The following XXYLT1 variants were observed in gnomAD, a reference collection of about 807,000 sequenced individuals.
XXYLT1 encodes UDP-xylose:alpha-xyloside alpha-1,3-xylosyltransferase.
XXYLT1 carries 20 observed loss-of-function variants against 28.9 expected under a neutral mutation model. That is an observed-to-expected ratio of 0.69 (90% CI 0.49 to 1.00). XXYLT1 has a LOEUF of 1.00. Ranked by LOEUF, XXYLT1 falls within the 50% of genes least tolerant of loss-of-function variation. The pLI, the probability that XXYLT1 is intolerant of heterozygous loss-of-function variation, is 0.00. For missense variants in XXYLT1, 542 were observed against 560.1 expected (o/e 0.97, Z 0.33); for synonymous variants, 257 against 253.8 (o/e 1.01, Z -0.12).
At chr3:195,099,422 G>T (rs968859626) in intron 3 of XXYLT1, among the ~76,000 whole-genome samples, 1 of 152,078 alleles carries the variant, frequency 6.6e-6, no homozygotes, top group Non-Finnish European at 1.5e-5. Flanking sequence ...TGTGCTGTCA[G>T]CCTGGACGCA....
At chr3:195,104,928 C>G (rs1717004246) in intron 3 of XXYLT1, among the ~76,000 whole-genome samples, 1 of 152,204 alleles carries the variant, frequency 6.6e-6, no homozygotes, top group African/African-American at 2.4e-5. Flanking sequence ...TAGCTACAAG[C>G]CAGAATCACT....
At chr3:195,184,858 A>T (rs1171622842) in intron 2 of XXYLT1, 1 of 974,182 alleles carries the variant, frequency 1.0e-6, no homozygotes, top group Admixed American at 6.2e-5. Flanking sequence ...TTTACCAATA[A>T]AATGGTCTAC....
In XXYLT1 at chr3:195,150,439, C is replaced by T. The variant is rs1454379386; in HGVS notation, c.785+6010G>A. 6.6e-6 allele frequency among the ~76,000 whole-genome samples: 1 copy of T among 152,248 alleles called. No homozygotes were observed. The highest frequency in any genetic ancestry group is 1.5e-5 in the Non-Finnish European group (1 of 68,050). ...TGGGATGACGCAGCCTGCAGAGAAG[C>T]TTTCCTTCCGAGCGTCTGGAAGAAC... On this transcript the variant is annotated intron_variant, in intron 3 of 3. Coordinates refer to ENST00000310380, the MANE Select transcript of XXYLT1 (RefSeq NM_152531.5). The surrounding 1 kb of genome is among the most constrained non-coding windows in gnomAD (Gnocchi z 4.7).
At chr3:195,244,118 G>A (rs934074135) in intron 1 of XXYLT1, among the ~76,000 whole-genome samples, 6 of 152,296 alleles carry the variant, frequency 3.9e-5, no homozygotes, top group Admixed American at 2.6e-4. Context: ...TGCAATGAAC[G>A]TTCTAGGACT....
At position 195,124,759 on chromosome 3, in the gene XXYLT1, ACAGT is replaced by A. The variant is rs2108619478; in HGVS notation, c.785+31686_785+31689del. ...CAAGACTGCCCTCGCTGGCCGGGAC[ACAGT>A]CAGCCAGGTTCCAGGGACCACAACT... On this transcript the variant is annotated intron_variant, in intron 3 of 3. Coordinates refer to ENST00000310380, the MANE Select transcript of XXYLT1 (RefSeq NM_152531.5). The surrounding 1 kb of genome is among the most constrained non-coding windows in gnomAD (Gnocchi z 4.1). Among the ~76,000 whole-genome samples the A allele has an allele frequency of 6.6e-6, 1 of 152,310 alleles. No individual in the cohort carries two copies. Among genetic ancestry groups the A allele is most frequent in the South Asian group, 2.1e-4 (1 of 4,824 alleles).
chr3:195,269,157 G>C (rs1265749202), intron 1 of XXYLT1, among the ~76,000 whole-genome samples: 1 of 152,236 alleles, frequency 6.6e-6, no homozygotes, highest in Non-Finnish European at 1.5e-5. Flanking sequence ...CAACGGTGCA[G>C]AGTAGGCCCA....
chr3:195,110,300 TGGTATATGTGTGTGTGG>T (rs1353949472), intron 3 of XXYLT1, among the ~76,000 whole-genome samples: 1 of 14,478 alleles, frequency 6.9e-5, no homozygotes, highest in Non-Finnish European at 1.5e-4. Flanking sequence ...TGTGCGTGTG[TGGTATATGTGTGTGTGG>T]GTGAGGGTGA....
chr3:195,158,135 A>C (rs1421373359), intron 2 of XXYLT1, among the ~76,000 whole-genome samples: 1 of 152,234 alleles, frequency 6.6e-6, no homozygotes, highest in Non-Finnish European at 1.5e-5. Context: ...GTCAATCATC[A>C]CATCGAAAGC....
intron 2 of XXYLT1, among the ~76,000 whole-genome samples, chr3:195,225,949 C>G (rs961158757): frequency 1.3e-5 from 2 of 152,192 alleles, no homozygotes; most frequent in African/African-American, 4.8e-5. Context: ...GCTGAACTGT[C>G]TATTAAACCT....
At chr3:195,201,201 T>C (rs779578354) in intron 2 of XXYLT1, among the ~76,000 whole-genome samples, 7 of 152,116 alleles carry the variant, frequency 4.6e-5, no homozygotes, top group African/African-American at 7.2e-5. Flanking sequence ...TCACTGGACT[T>C]CGAGTTCCTC....
intron 2 of XXYLT1, among the ~76,000 whole-genome samples, chr3:195,200,571 G>A (rs1722809706): frequency 6.6e-6 from 1 of 152,190 alleles, no homozygotes; most frequent in African/African-American, 2.4e-5. Context: ...TCCCAGGCAA[G>A]GGCTTTGGCG....
At chr3:195,237,899 T>A (rs553791500) in intron 1 of XXYLT1, among the ~76,000 whole-genome samples, 7 of 152,106 alleles carry the variant, frequency 4.6e-5, no homozygotes, top group Non-Finnish European at 1.0e-4. Flanking sequence ...AAATTATGTT[T>A]CTCATTCCCA....
chr3:195,178,870 G>A (rs1463238435), intron 2 of XXYLT1, among the ~76,000 whole-genome samples: 1 of 152,208 alleles, frequency 6.6e-6, no homozygotes, highest in East Asian at 1.9e-4. Context: ...CATTGAGATC[G>A]AGAGCTGAAG....
rs149994372 is a variant in XXYLT1 at position 195,164,108 on chromosome 3, A to G, written c.653-7527T>C. Among the ~76,000 whole-genome samples, 104 of 152,384 alleles carry G rather than the reference A, an allele frequency of 6.8e-4. 1 individual carries two copies. Among genetic ancestry groups the G allele is most frequent in the African/African-American group, 2.5e-3 (102 of 41,592 alleles). ...GGATGCAGTTGTAAATAAGAAAGGAAAGAACTGATATAGAGCAGGAACTAG... is the reference window on the plus strand; with the variant it reads ...GGATGCAGTTGTAAATAAGAAAGGAGAGAACTGATATAGAGCAGGAACTAG... On this transcript the variant is annotated intron_variant, in intron 2 of 3. Coordinates refer to ENST00000310380, the MANE Select transcript of XXYLT1 (RefSeq NM_152531.5).
chr3:195,166,019 G>C, intron 2 of XXYLT1, among the ~76,000 whole-genome samples: 1 of 151,976 alleles, frequency 6.6e-6, no homozygotes, highest in Non-Finnish European at 1.5e-5. Flanking sequence ...CCTGTTATGA[G>C]TCTGATAAGA....
At chr3:195,118,086 G>C (rs1257295011) in intron 3 of XXYLT1, among the ~76,000 whole-genome samples, 1 of 152,198 alleles carries the variant, frequency 6.6e-6, no homozygotes, top group East Asian at 1.9e-4. Flanking sequence ...TATGAAGACA[G>C]AGATAATGCC....
At chr3:195,107,201 C>T (rs1217451950) in intron 3 of XXYLT1, among the ~76,000 whole-genome samples, 1 of 151,940 alleles carries the variant, frequency 6.6e-6, no homozygotes, top group African/African-American at 2.4e-5. Context: ...TGGCCGGGTG[C>T]GGTGGCTCAC....
chr3:195,178,821 C>G (rs1721800927), intron 2 of XXYLT1, among the ~76,000 whole-genome samples: 1 of 152,214 alleles, frequency 6.6e-6, no homozygotes, highest in African/African-American at 2.4e-5. Context: ...TGATGGAAGG[C>G]TCTCTCTGAA....
chr3:195,186,196 C>T (rs6810043), intron 2 of XXYLT1, among the ~76,000 whole-genome samples: 24,295 of 152,204 alleles, frequency 0.16, 3,333 homozygotes, highest in African/African-American at 0.38. Context: ...CACAACCCAA[C>T]AACTGGAACT....
Sources: gnomAD v4.1 joint callset for allele counts (sites outside exome capture counted in the v4.1 genomes callset) on GRCh38, gnomAD v4.1.1 for gene constraint, Gnocchi (gnomAD v3.1) non-coding constraint, MANE v1.5 for transcripts, NCBI Gene and HGNC (gene_info 2026-07-23, HGNC 2026-07-21) for gene names.